The following KCNQ5 variants were observed in gnomAD, a reference collection of about 807,000 sequenced individuals.
KCNQ5 encodes the protein potassium voltage-gated channel subfamily KQT member 5.
KCNQ5 carries 30 observed loss-of-function variants against 98.2 expected under a neutral mutation model. The observed-to-expected ratio is 0.31, with a 90% CI of 0.23 to 0.41. The LOEUF is 0.41. KCNQ5 is among the 10% of genes least tolerant of loss of function. The pLI, the probability that KCNQ5 is intolerant of heterozygous loss-of-function variation, is 1.00. For synonymous variants in KCNQ5, 458 were observed against 449.4 expected, an observed-to-expected ratio of 1.02 and a Z score of -0.24; for missense variants, 835 against 1,182.5, an observed-to-expected ratio of 0.71 and a Z score of 4.31.
intron 1 of KCNQ5, among the ~76,000 whole-genome samples, chr6:72,950,267 C>A (rs912258119): frequency 6.6e-6 from 1 of 152,146 alleles, no homozygotes; most frequent in African/African-American, 2.4e-5. Flanking sequence ...CATGACATGC[C>A]ACTAGCAGCC....
intron 1 of KCNQ5, among the ~76,000 whole-genome samples, chr6:72,895,466 G>A (rs1358961763): frequency 1.3e-5 from 2 of 151,476 alleles, no homozygotes; most frequent in East Asian, 1.9e-4. Flanking sequence ...TTTTAAAATA[G>A]GACTTTTTGA....
At chr6:73,007,023 T>C (rs1769843755) in intron 2 of KCNQ5, among the ~76,000 whole-genome samples, 1 of 152,090 alleles carries the variant, frequency 6.6e-6, no homozygotes, top group Non-Finnish European at 1.5e-5. Flanking sequence ...GCCATCCCTT[T>C]AGACATCTCT....
intron 5 of KCNQ5, among the ~76,000 whole-genome samples, chr6:73,098,769 A>C (rs1774631348): frequency 6.6e-6 from 1 of 152,228 alleles, no homozygotes; most frequent in Non-Finnish European, 1.5e-5. Context: ...CTTTAGTTTG[A>C]AAGAAAAAAG....
chr6:73,017,631 A>T (rs554015161), intron 2 of KCNQ5, among the ~76,000 whole-genome samples: 1 of 152,174 alleles, frequency 6.6e-6, no homozygotes, highest in African/African-American at 2.4e-5. Context: ...GCTGGATTCA[A>T]TGAAAACGCT....
intron 3 of KCNQ5, among the ~76,000 whole-genome samples, chr6:73,073,627 T>A (rs1267684760): frequency 1.3e-5 from 2 of 152,186 alleles, no homozygotes; most frequent in African/African-American, 4.8e-5. Context: ...GGATGGATGG[T>A]CAGATGAATG....
At chr6:72,998,563 A>G (rs548947092) in intron 1 of KCNQ5, among the ~76,000 whole-genome samples, 2 of 151,876 alleles carry the variant, frequency 1.3e-5, no homozygotes, top group Non-Finnish European at 2.9e-5. Flanking sequence ...GTGAAACCCC[A>G]TCTCTACTAA....
At chr6:72,623,561 C>G (rs2098916644) in intron 1 of KCNQ5, among the ~76,000 whole-genome samples, 1 of 152,168 alleles carries the variant, frequency 6.6e-6, no homozygotes, top group Non-Finnish European at 1.5e-5. Context: ...AAAGTCCATT[C>G]ATTCAGTCTC....
At chr6:72,963,316 G>C (rs1207367587) in intron 1 of KCNQ5, among the ~76,000 whole-genome samples, 1 of 152,112 alleles carries the variant, frequency 6.6e-6, no homozygotes, top group African/African-American at 2.4e-5. Flanking sequence ...CTGCATATAC[G>C]GAATTCATAC....
intron 1 of KCNQ5, among the ~76,000 whole-genome samples, chr6:72,732,310 A>G (rs935253758): frequency 3.9e-5 from 6 of 152,104 alleles, no homozygotes; most frequent in African/African-American, 1.4e-4. Flanking sequence ...GGGGAGTAGC[A>G]TTAGGAAGGG....
At chr6:73,036,662 T>C (rs980858549) in intron 2 of KCNQ5, among the ~76,000 whole-genome samples, 1 of 152,242 alleles carries the variant, frequency 6.6e-6, no homozygotes, top group African/African-American at 2.4e-5. Context: ...TTTATGTTAC[T>C]CTGTGTATCA....
intron 1 of KCNQ5, among the ~76,000 whole-genome samples, chr6:72,827,745 T>C (rs1211007419): frequency 6.6e-6 from 1 of 152,130 alleles, no homozygotes; most frequent in African/African-American, 2.4e-5. Flanking sequence ...TAATCCCAGT[T>C]GTTTATTTTT....
intron 11 of KCNQ5, among the ~76,000 whole-genome samples, chr6:73,180,503 C>T (rs894550269): frequency 1.3e-5 from 2 of 152,184 alleles, no homozygotes; most frequent in Admixed American, 6.5e-5. Flanking sequence ...ATGGGTCTGA[C>T]ATGTGCGACT....
At chr6:73,073,044 TTTCTC>T (rs1054926822) in intron 3 of KCNQ5, among the ~76,000 whole-genome samples, 2 of 152,194 alleles carry the variant, frequency 1.3e-5, no homozygotes, top group African/African-American at 4.8e-5. Context: ...TCCCTGCACT[TTTCTC>T]TTCTCTGAAT....
intron 11 of KCNQ5, among the ~76,000 whole-genome samples, chr6:73,170,818 C>A (rs1381210608): frequency 1.3e-5 from 2 of 151,930 alleles, no homozygotes; most frequent in Non-Finnish European, 2.9e-5. Context: ...CCTGTAATCC[C>A]AGATACTTGG....
chr6:72,838,933 G>A (rs1223818921), intron 1 of KCNQ5, among the ~76,000 whole-genome samples: 2 of 111,610 alleles, frequency 1.8e-5, no homozygotes, highest in East Asian at 2.8e-4. Flanking sequence ...CTGGGCGACA[G>A]AGCGAGACTC....
chr6:73,141,729 GAAACCCAGGGTTATA>G (rs532246453), intron 10 of KCNQ5, among the ~76,000 whole-genome samples: 1 of 152,282 alleles, frequency 6.6e-6, no homozygotes, highest in Admixed American at 6.5e-5. Context: ...GTTTCATTGA[GAAACCCAGGGTTATA>G]AACTGGAGCC....
intron 6 of KCNQ5, among the ~76,000 whole-genome samples, chr6:73,108,621 T>A (rs187719004): frequency 1.3e-5 from 2 of 152,200 alleles, no homozygotes; most frequent in Non-Finnish European, 2.9e-5. Flanking sequence ...GGTGAGGAGA[T>A]CGAGACCATC....
At chr6:72,896,640 A>G (rs146315318) in intron 1 of KCNQ5, among the ~76,000 whole-genome samples, 1,590 of 152,302 alleles carry the variant, frequency 0.01, 15 homozygotes, top group Non-Finnish European at 0.016. Context: ...GTCCCAGTAT[A>G]AATTTTAATA....
intron 1 of KCNQ5, among the ~76,000 whole-genome samples, chr6:72,658,920 G>T (rs1766360537): frequency 6.6e-6 from 1 of 152,102 alleles, no homozygotes; most frequent in South Asian, 2.1e-4. Context: ...TTAGAATCAT[G>T]AATTTTTTTA....
Sources: allele counts gnomAD v4.1 joint callset (sites outside exome capture counted in the v4.1 genomes callset), GRCh38; gene constraint gnomAD v4.1.1; transcripts MANE v1.5; gene names NCBI Gene and HGNC (gene_info 2026-07-23, HGNC 2026-07-21).